TM7SF3: variants seen among roughly 807,000 people sequenced by gnomAD.
TM7SF3 encodes transmembrane 7 superfamily member 3, also known as seven span transmembrane protein.
In TM7SF3, 60 loss-of-function variants were observed where a neutral mutation model predicts 65.5. The ratio of observed to expected loss-of-function variants is 0.92; its 90% CI spans 0.74 to 1.14. The LOEUF (loss-of-function observed/expected upper bound fraction) is 1.14, where lower values mean the gene tolerates loss of function less well. Among genes scored for constraint, TM7SF3 ranks in the 50% most tolerant of loss-of-function variants. TM7SF3 has a pLI of 0.00. For missense variants in TM7SF3, 623 were observed against 684.8 expected, an observed-to-expected ratio of 0.91 and a Z score of 1.01; for synonymous variants, 264 against 259.6, an observed-to-expected ratio of 1.02 and a Z score of -0.16.
chr12:26,996,648 A>G (rs1417804312), intron 4 of TM7SF3, 94 bp downstream of exon 4: 1 of 1,304,932 alleles, frequency 7.7e-7, no homozygotes, highest in Non-Finnish European at 1.0e-6. Context: ...ATTTTACTAC[A>G]GAGAATTAGG....
intron 6 of TM7SF3, among the ~76,000 whole-genome samples, chr12:26,985,609 G>A (rs1398148695): frequency 9.6e-6 from 1 of 104,440 alleles, no homozygotes; most frequent in African/African-American, 3.8e-5. Context: ...TGGGTGACAA[G>A]AGTGAGACTG....
chr12:26,985,752 G>C (rs951194803), intron 6 of TM7SF3, among the ~76,000 whole-genome samples: 8 of 141,466 alleles, frequency 5.7e-5, no homozygotes, highest in Admixed American at 3.6e-4. Context: ...AGATTGTCTT[G>C]AGTGGAAGAC....
chr12:26,990,656 G>A, intron 5 of TM7SF3, 29 bp from the exon 6 acceptor site: 1 of 1,580,480 alleles, frequency 6.3e-7, no homozygotes, highest in Non-Finnish European at 8.7e-7. Context: ...CATGATTAGT[G>A]TTTAGGGGAT....
intron 6 of TM7SF3, among the ~76,000 whole-genome samples, chr12:26,984,440 A>C (rs1450470553): frequency 7.7e-6 from 1 of 129,500 alleles, no homozygotes; most frequent in Non-Finnish European, 1.6e-5. Context: ...AAAAACAAAA[A>C]ACGAAAAACA....
chr12:27,011,074 T>G (rs1941227290), intron 1 of TM7SF3, among the ~76,000 whole-genome samples: 1 of 152,194 alleles, frequency 6.6e-6, no homozygotes, highest in African/African-American at 2.4e-5. Context: ...GCTACTTGAG[T>G]TGGTCAGCAG....
At chr12:26,993,364 A>G (rs1408772546) in intron 5 of TM7SF3, among the ~76,000 whole-genome samples, 1 of 152,184 alleles carries the variant, frequency 6.6e-6, no homozygotes, top group Admixed American at 6.5e-5. Context: ...TATTCTCATA[A>G]AGTATTCCAC....
In TM7SF3 at chr12:26,995,393, TG is replaced by T. The variant is rs1159381456; in HGVS notation, c.533del (p.Pro178HisfsTer35). The T allele has an allele frequency of 1.2e-6, 2 of 1,614,170 alleles. No individual in the cohort carries two copies. The highest frequency in any genetic ancestry group is 4.5e-5 in the East Asian group (2 of 44,892). On this transcript the variant is annotated frameshift_variant, in exon 5 of 12. Transcript: ENST00000343028. LOFTEE classifies it high-confidence loss of function. ...NLGYARGVDPPPCDAGTDQDS... is the reference protein window; with the variant it reads ...NLGYARGVDPXPCDAGTDQDS... ...CCTGGTCTGTCCCAGCGTCACATGG[TG>T]GGGGATCTACGCCTCTAAAGTCAAC...
intron 7 of TM7SF3, among the ~76,000 whole-genome samples, chr12:26,982,385 T>C (rs1366100605): frequency 6.6e-6 from 1 of 152,000 alleles, no homozygotes; most frequent in Non-Finnish European, 1.5e-5. Context: ...CTATGTTGCC[T>C]AGACTTGTTT....
intron 1 of TM7SF3, among the ~76,000 whole-genome samples, chr12:27,011,952 AG>A (rs1941259634): frequency 6.6e-6 from 1 of 152,240 alleles, no homozygotes; most frequent in Admixed American, 6.5e-5. Context: ...AGAAAGAAAA[AG>A]TTCTGGACGC....
Position 27,014,148 on chromosome 12 carries a change from C to G in TM7SF3, c.21G>C (p.Leu7=), listed in dbSNP as rs776902143. The change falls in exon 1 of 12, where the codon CTG becomes CTC. Residue 7 remains leucine, a synonymous_variant. Transcript: ENST00000343028. MGFLQL[L]VVAVLASEHR... is the part of the protein sequence containing the mutation. The stretch of plus-strand genomic sequence containing the variant: ...GTTCGGATGCCAGCACCGCTACGAC[C>G]AGCAGCTGCAGGAACCCCATTGCTG... 5.1e-6 allele frequency: 8 copies of G among 1,564,216 alleles called. No homozygotes were observed. Among genetic ancestry groups the G allele is most frequent in the Non-Finnish European group, 6.9e-6 (8 of 1,154,156 alleles).
At position 27,014,276 on chromosome 12, in the gene TM7SF3, C is replaced by G; in HGVS notation, c.-108G>C. ...GCTATCCCGGGGCGCCCGCATCGGG[C>G]GCCATCGCCCGCCAGGTGCAGACGC... On this transcript the variant is annotated 5_prime_UTR_variant, in exon 1 of 12. Coordinates refer to ENST00000343028, the MANE Select transcript of TM7SF3 (RefSeq NM_016551.3). The G allele has an allele frequency of 1.0e-6, 1 of 956,962 alleles. No homozygotes were observed. Among genetic ancestry groups the G allele is most frequent in the East Asian group, 3.3e-5 (1 of 30,548 alleles). 59.3% of individuals were successfully genotyped at this position (956,962 alleles called of 1,614,324 possible).
intron 6 of TM7SF3, among the ~76,000 whole-genome samples, chr12:26,988,289 A>G (rs1285280595): frequency 1.3e-5 from 2 of 152,078 alleles, no homozygotes; most frequent in Non-Finnish European, 2.9e-5. Flanking sequence ...TTAGACTACC[A>G]AGTAGCTGGA....
chr12:26,983,895 A>G (rs756748314), intron 6 of TM7SF3, among the ~76,000 whole-genome samples: 2 of 152,230 alleles, frequency 1.3e-5, no homozygotes, highest in Non-Finnish European at 2.9e-5. Context: ...ACCCACCATC[A>G]TGAGATAAAC....
intron 4 of TM7SF3, 101 bp from the exon 5 acceptor site, chr12:26,995,509 T>C: frequency 1.6e-6 from 2 of 1,255,204 alleles, no homozygotes; most frequent in Non-Finnish European, 2.2e-6. Flanking sequence ...GCAACAATAA[T>C]TACAATTTAA....
chr12:26,986,650 C>A (rs571514875), intron 6 of TM7SF3, among the ~76,000 whole-genome samples: 1 of 152,084 alleles, frequency 6.6e-6, no homozygotes, highest in East Asian at 1.9e-4. Flanking sequence ...CATAATCTCT[C>A]GCTTGAACAC....
rs373940135 is a variant in TM7SF3, at chr12:26,983,123, T to A, written c.869-264A>T. Among the ~76,000 whole-genome samples, 7 of 152,040 alleles carry A rather than the reference T, an allele frequency of 4.6e-5. No homozygotes were observed. In the East Asian group the frequency reaches 7.7e-4, roughly 17 times the overall value. ...TGATAGCGGTATGGAACACTTCCTA[T>A]GACATATTCCTGGGTAAAGTGGAGA... is the stretch of plus-strand genomic sequence containing the variant. On this transcript the variant is annotated intron_variant, in intron 6 of 11. Transcript: ENST00000343028.
intron 9 of TM7SF3, among the ~76,000 whole-genome samples, chr12:26,976,707 G>A (rs1009113339): frequency 6.6e-6 from 1 of 152,104 alleles, no homozygotes; most frequent in African/African-American, 2.4e-5. Flanking sequence ...ATATCTCCAA[G>A]CTCTAAATCA....
At chr12:26,984,821 C>A (rs1006463739) in intron 6 of TM7SF3, among the ~76,000 whole-genome samples, 2 of 152,168 alleles carry the variant, frequency 1.3e-5, no homozygotes, top group Non-Finnish European at 2.9e-5. Context: ...CAGGCATTCA[C>A]TCTGGGGGAA....
chr12:26,972,397 TTTC>T lies in TM7SF3; in HGVS notation c.*1565_*1567del, dbSNP rs1592263760. 6.6e-6 allele frequency: 1 copy of T among 151,632 alleles called. No individual in the cohort carries two copies. The highest frequency in any genetic ancestry group is 1.5e-5 in the Non-Finnish European group (1 of 67,982). The allele number at this position is 151,632 out of a possible 1,614,324, so 9.4% of individuals were successfully genotyped here. On this transcript the variant is annotated 3_prime_UTR_variant, in exon 12 of 12. Coordinates refer to ENST00000343028, the MANE Select transcript of TM7SF3 (RefSeq NM_016551.3). ...TATGAAGTACAAATTTTTCTAAGGTTTTCTTATTAATGGCAATACAGACTTTTT... is the reference window on the plus strand; with the variant it reads ...TATGAAGTACAAATTTTTCTAAGGTTTTATTAATGGCAATACAGACTTTTT...
Sources: gnomAD v4.1 joint callset for allele counts (sites outside exome capture counted in the v4.1 genomes callset) on GRCh38, gnomAD v4.1.1 for gene constraint, MANE v1.5 for transcripts, NCBI Gene and HGNC (gene_info 2026-07-23, HGNC 2026-07-21) for gene names.